NET1: variants seen among roughly 807,000 people sequenced by gnomAD.
NET1 encodes the protein neuroepithelial cell-transforming gene 1 protein.
Under a neutral mutation model 61.1 loss-of-function variants are expected in NET1, and 42 were observed. The ratio of observed to expected loss-of-function variants is 0.69; its 90% CI spans 0.54 to 0.89. The LOEUF is 0.89. NET1 is among the 40% of genes least tolerant of loss of function. The pLI is 0.00. For synonymous variants in NET1, 254 were observed against 281.8 expected (o/e 0.90, Z 0.99); for missense variants, 654 against 747.3 (o/e 0.88, Z 1.46).
chr10:5,453,551 C>A lies in NET1; in HGVS notation c.759C>A (p.Leu253=). ...CAGTGGAGCAGATTGGTCACATTCT[C>A]GTGAGCTGGGTATGTAGTGAGTTGT... The part of the protein sequence containing the change: ...DGTVEQIGHI[L]VSWLPRLNAY... The change falls in exon 8 of 12, where the codon CTC becomes CTA. Residue 253 remains leucine, a synonymous_variant. Coordinates refer to ENST00000355029, the MANE Select transcript of NET1 (RefSeq NM_001047160.3). This position sits in a 1 kb window ranked among gnomAD's most constrained non-coding sequence, Gnocchi z 4.9. The A allele has an allele frequency of 6.2e-7, 1 of 1,613,928 alleles. No individual in the cohort carries two copies. Among genetic ancestry groups the A allele is most frequent in the South Asian group, 1.1e-5 (1 of 91,060 alleles).
At chr10:5,436,734 C>T (rs904691266) in intron 3 of NET1, among the ~76,000 whole-genome samples, 1 of 152,068 alleles carries the variant, frequency 6.6e-6, no homozygotes, top group East Asian at 1.9e-4. Context: ...CTCTTAGAAC[C>T]ATGACAGGTA....
Position 5,452,530 on chromosome 10 carries a change from G to A in NET1, c.531+5G>A. 6.2e-7 allele frequency: 1 copy of A among 1,607,672 alleles called. No homozygotes were observed. Among genetic ancestry groups the A allele is most frequent in the African/African-American group, 1.3e-5 (1 of 74,816 alleles). On this transcript the variant is annotated splice_donor_5th_base_variant and intron_variant, in intron 5 of 11. Transcript: ENST00000355029. The surrounding 1 kb of genome is among the most constrained non-coding windows in gnomAD (Gnocchi z 4.0). ...AGGGAGATCAGACGGCAGGAGGTAT[G>A]CTGGCACTCAGTGTACATGTTTTCC... is the stretch of plus-strand genomic sequence containing the variant.
In NET1 at chr10:5,456,387, A is replaced by G. The variant is rs1214929025; in HGVS notation, c.1384+114A>G. On this transcript the variant is annotated intron_variant, in intron 11 of 11. Transcript: ENST00000355029. The surrounding 1 kb of genome is among the most constrained non-coding windows in gnomAD (Gnocchi z 7.0). The stretch of plus-strand genomic sequence containing the variant: ...ATGGCTCCATTGTCCTATACTTGTT[A>G]CATCCATTGAGTTGTCCAGGCCTTC... The G allele has an allele frequency of 2.6e-6, 3 of 1,153,240 alleles. No individual in the cohort carries two copies. The highest frequency in any genetic ancestry group is 3.6e-6 in the Non-Finnish European group (3 of 837,396). 71.4% of individuals were successfully genotyped at this position (1,153,240 alleles called of 1,614,324 possible).
chr10:5,457,820 A>G lies in NET1; in HGVS notation c.*826A>G, dbSNP rs1430182863. ...GCCAATTAAGAAAATTGCCATTTTT[A>G]AAGTGTAGCATTTCAGGGTAAAGAC... On this transcript the variant is annotated 3_prime_UTR_variant, in exon 12 of 12. Coordinates refer to ENST00000355029, the MANE Select transcript of NET1 (RefSeq NM_001047160.3). The surrounding 1 kb of genome is among the most constrained non-coding windows in gnomAD (Gnocchi z 5.4). 1 of 152,584 alleles carries G rather than the reference A, an allele frequency of 6.6e-6. No individual in the cohort carries two copies. The highest frequency in any genetic ancestry group is 6.5e-5 in the Admixed American group (1 of 15,268). The allele number at this position is 152,584 out of a possible 1,614,324, so 9.5% of individuals were successfully genotyped here. A position where few individuals can be genotyped will look rare whatever the true frequency, so the allele number is the denominator to read the frequency against.
rs1832277154 is a variant in NET1 at position 5,427,565 on chromosome 10, GGTTA to G, written c.195+848_195+851del. Among the ~76,000 whole-genome samples, 1 of 152,020 alleles carries G rather than the reference GGTTA, an allele frequency of 6.6e-6. No homozygotes were observed. Among genetic ancestry groups the G allele is most frequent in the Non-Finnish European group, 1.5e-5 (1 of 67,990 alleles). On this transcript the variant is annotated intron_variant, in intron 2 of 11. Transcript: ENST00000355029. This position sits in a 1 kb window ranked among gnomAD's most constrained non-coding sequence, Gnocchi z 4.1. Reference sequence around the variant, plus strand: ...AGATAAATACACAAGCAGGATTTATGGTTAGTTGGCCTTTCAAACCTGGGATCAT... The same window carrying G: ...AGATAAATACACAAGCAGGATTTATGGTTGGCCTTTCAAACCTGGGATCAT...
At chr10:5,436,246 A>T (rs1334582909) in intron 3 of NET1, among the ~76,000 whole-genome samples, 1 of 34,136 alleles carries the variant, frequency 2.9e-5, no homozygotes, top group African/African-American at 1.4e-4. Flanking sequence ...ATATATATAT[A>T]TATTTTTTTT....
At chr10:5,430,642 C>T (rs949770372) in intron 3 of NET1, among the ~76,000 whole-genome samples, 6 of 152,092 alleles carry the variant, frequency 3.9e-5, no homozygotes, top group Non-Finnish European at 7.4e-5. Flanking sequence ...AGGTGTGAGT[C>T]ACCATGCCGG....
In NET1 at chr10:5,455,005, T is replaced by C. The variant is rs1269379691; in HGVS notation, c.1084T>C (p.Cys362Arg). 5.6e-6 allele frequency: 9 copies of C among 1,613,910 alleles called. No homozygotes were observed. The highest frequency in any genetic ancestry group is 5.9e-6 in the Non-Finnish European group (7 of 1,179,974). Residue 362 changes from cysteine (C) to arginine (R), a missense_variant, in exon 10 of 12, where the codon TGC becomes CGC. Cys to Arg is a radical substitution (Grantham distance 180). Coordinates refer to ENST00000355029, the MANE Select transcript of NET1 (RefSeq NM_001047160.3). The surrounding 1 kb of genome is among the most constrained non-coding windows in gnomAD (Gnocchi z 6.5). The part of the protein sequence containing the change: ...DINLKKGESE[C>R]QYYIDKLEYL... Reference sequence around the variant, plus strand: ...CAACTTGAAGAAAGGTGAATCCGAGTGCCAGTATTACATCGACAAGCTGGA... The same window carrying C: ...CAACTTGAAGAAAGGTGAATCCGAGCGCCAGTATTACATCGACAAGCTGGA...
intron 3 of NET1, among the ~76,000 whole-genome samples, chr10:5,442,172 G>C (rs140890895): frequency 9.1e-4 from 138 of 152,224 alleles, no homozygotes; most frequent in African/African-American, 3.2e-3. Context: ...TGTTTATGTA[G>C]TCATCTATGT....
At position 5,446,994 on chromosome 10, in the gene NET1, G is replaced by A; in HGVS notation, c.256-4836G>A. 1.7e-6 allele frequency: 1 copy of A among 591,400 alleles called. No individual in the cohort carries two copies. Among genetic ancestry groups the A allele is most frequent in the Non-Finnish European group, 2.7e-6 (1 of 375,168 alleles). 36.6% of individuals were successfully genotyped at this position (591,400 alleles called of 1,614,324 possible). Reference sequence around the variant, plus strand: ...ATTACAATGTATGTTCTTGATTTATGTGCAAGCTTGAAATGTGTTTAGGGA... The same window carrying A: ...ATTACAATGTATGTTCTTGATTTATATGCAAGCTTGAAATGTGTTTAGGGA... On this transcript the variant is annotated intron_variant, in intron 3 of 11. Transcript: ENST00000355029. The surrounding 1 kb of genome is among the most constrained non-coding windows in gnomAD (Gnocchi z 5.0).
rs572914109 is a variant in NET1, at chr10:5,446,601, C to T, written c.256-5229C>T. 3.3e-5 allele frequency: 40 copies of T among 1,215,994 alleles called. No homozygotes were observed. Among genetic ancestry groups the T allele is most frequent in the Admixed American group, 8.6e-5 (2 of 23,298 alleles). 75.3% of individuals were successfully genotyped at this position (1,215,994 alleles called of 1,614,324 possible). ...CCCTGGGGTCGGTGCTTGCTGCCTG[C>T]GGCTCTCAGAAGCCTCTGCTCCACC... On this transcript the variant is annotated intron_variant, in intron 3 of 11. Transcript: ENST00000355029. The surrounding 1 kb of genome is among the most constrained non-coding windows in gnomAD (Gnocchi z 5.0).
intron 3 of NET1, among the ~76,000 whole-genome samples, chr10:5,450,406 A>G (rs1395304903): frequency 1.3e-5 from 2 of 151,902 alleles, no homozygotes; most frequent in East Asian, 1.9e-4. Flanking sequence ...AACTTTTCCT[A>G]TCAGTTTATT....
At chr10:5,425,617 C>T (rs987558789) in intron 1 of NET1, among the ~76,000 whole-genome samples, 2 of 152,204 alleles carry the variant, frequency 1.3e-5, no homozygotes, top group Non-Finnish European at 2.9e-5. Context: ...TCTAGTTAGC[C>T]TGCCTACAGC....
intron 2 of NET1, among the ~76,000 whole-genome samples, chr10:5,428,938 T>C (rs1401646634): frequency 6.6e-6 from 1 of 151,660 alleles, no homozygotes; most frequent in African/African-American, 2.4e-5. Flanking sequence ...TTCGCCACGT[T>C]GGCCAGGCTG....
At chr10:5,433,866 C>G (rs1053410929) in intron 3 of NET1, among the ~76,000 whole-genome samples, 1 of 151,788 alleles carries the variant, frequency 6.6e-6, no homozygotes, top group African/African-American at 2.4e-5. Flanking sequence ...ATTTTTAAAG[C>G]CATCCTCCTT....
Position 5,447,753 on chromosome 10 carries a change from G to A in NET1, c.256-4077G>A, listed in dbSNP as rs1455837674. On this transcript the variant is annotated intron_variant, in intron 3 of 11. Coordinates refer to ENST00000355029, the MANE Select transcript of NET1 (RefSeq NM_001047160.3). The surrounding 1 kb of genome is among the most constrained non-coding windows in gnomAD (Gnocchi z 4.1). ...TCTTCAGGAAGTACACTTTTATTTG[G>A]TGTGGTTTGGCTTTGGTTTTTGTTC... is the stretch of plus-strand genomic sequence containing the variant. Among the ~76,000 whole-genome samples, 1 of 152,198 alleles carries A rather than the reference G, an allele frequency of 6.6e-6. No homozygotes were observed. The highest frequency in any genetic ancestry group is 6.5e-5 in the Admixed American group (1 of 15,280).
In NET1 at chr10:5,457,740, A is replaced by AT. The variant is rs1473639882; in HGVS notation, c.*747dup. ...TGTGTGTGTGTGTGTATATATATAT[A>AT]TATTTTTAAATCACATTAATTTTAC... On this transcript the variant is annotated 3_prime_UTR_variant, in exon 12 of 12. Coordinates refer to ENST00000355029, the MANE Select transcript of NET1 (RefSeq NM_001047160.3). This position sits in a 1 kb window ranked among gnomAD's most constrained non-coding sequence, Gnocchi z 5.4. The AT allele has an allele frequency of 6.6e-6, 1 of 152,022 alleles. No individual in the cohort carries two copies. The highest frequency in any genetic ancestry group is 6.6e-5 in the Admixed American group (1 of 15,192). The allele number at this position is 152,022 out of a possible 1,614,324, so 9.4% of individuals were successfully genotyped here. A position where few individuals can be genotyped will look rare whatever the true frequency, so the allele number is the denominator to read the frequency against.
rs1374582605 is a variant in NET1 at position 5,451,513 on chromosome 10, A to ATTTT, written c.256-317_256-316insTTTT. Among the ~76,000 whole-genome samples the ATTTT allele has an allele frequency of 7.6e-6, 1 of 131,724 alleles. No homozygotes were observed. The highest frequency in any genetic ancestry group is 2.8e-5 in the African/African-American group (1 of 35,660). The allele number at this position is 131,724 out of a possible 152,430, so 86.4% of individuals were successfully genotyped here. ...TTCATAACAATAAGGCTTTTTTTTA[A>ATTTT]AAAAAAAAAAAGTTATTCCCTGCAT... is the stretch of plus-strand genomic sequence containing the variant. On this transcript the variant is annotated intron_variant, in intron 3 of 11. Coordinates refer to ENST00000355029, the MANE Select transcript of NET1 (RefSeq NM_001047160.3). This position sits in a 1 kb window ranked among gnomAD's most constrained non-coding sequence, Gnocchi z 6.1.
In NET1 at chr10:5,433,036, C is replaced by T. The variant is rs78635520; in HGVS notation, c.255+3807C>T. Among the ~76,000 whole-genome samples, 699 of 152,248 alleles carry T rather than the reference C, an allele frequency of 4.6e-3. 29 individuals are homozygous for T. The East Asian group carries it at 0.096, about 21-fold the overall frequency. ...TCTGATTTGAAATACTATTGCTTGA[C>T]TTGTAGTTAATGCATTTAAGGCAGT... is the stretch of plus-strand genomic sequence containing the variant. On this transcript the variant is annotated intron_variant, in intron 3 of 11. Transcript: ENST00000355029.
Sources: gnomAD v4.1 joint callset for allele counts (sites outside exome capture counted in the v4.1 genomes callset) on GRCh38, gnomAD v4.1.1 for gene constraint, Gnocchi (gnomAD v3.1) non-coding constraint, MANE v1.5 for transcripts, NCBI Gene and HGNC (gene_info 2026-07-23, HGNC 2026-07-21) for gene names.